Variants in ATG10 observed in about 807,000 individuals in gnomAD.
The protein encoded by ATG10 is autophagy related 10.
In ATG10, 30 loss-of-function variants were observed where a neutral mutation model predicts 32.1. The observed-to-expected ratio is 0.94, with a 90% CI of 0.70 to 1.27. The LOEUF is 1.27. ATG10 is among the 50% of genes most tolerant of loss of function. The probability of loss-of-function intolerance (pLI) is 0.00; values close to 1 mark genes in which losing one functional copy is unlikely to be tolerated. For synonymous variants in ATG10, 87 were observed against 91.5 expected (o/e 0.95, Z 0.28); for missense variants, 233 against 262.3 (o/e 0.89, Z 0.77).
At chr5:82,146,848 T>C (rs1232430082) in intron 3 of ATG10, among the ~76,000 whole-genome samples, 1 of 152,224 alleles carries the variant, frequency 6.6e-6, no homozygotes, top group Non-Finnish European at 1.5e-5. Flanking sequence ...AGCATACTTA[T>C]AATAGCTGTT....
intron 2 of ATG10, among the ~76,000 whole-genome samples, chr5:82,021,623 C>T (rs1226884632): frequency 6.6e-6 from 1 of 152,168 alleles, no homozygotes; most frequent in African/African-American, 2.4e-5. Flanking sequence ...TGGCTCAAAC[C>T]TGTAATCCCA....
At chr5:82,087,329 C>G (rs1263776487) in intron 3 of ATG10, among the ~76,000 whole-genome samples, 2 of 151,842 alleles carry the variant, frequency 1.3e-5, no homozygotes, top group Non-Finnish European at 2.9e-5. Flanking sequence ...TAGAAGTACT[C>G]AATATATTGA....
intron 5 of ATG10, among the ~76,000 whole-genome samples, chr5:82,191,483 A>G (rs1744659184): frequency 6.6e-6 from 1 of 152,180 alleles, no homozygotes; most frequent in South Asian, 2.1e-4. Context: ...CTTCACACAT[A>G]TTCTTTCACT....
chr5:82,215,907 C>A (rs1268407137), intron 5 of ATG10, among the ~76,000 whole-genome samples: 1 of 151,254 alleles, frequency 6.6e-6, no homozygotes, highest in Admixed American at 6.6e-5. Context: ...TGCACTCCAG[C>A]CTGGGCAACA....
At chr5:82,006,497 G>C (rs1437170354) in intron 2 of ATG10, among the ~76,000 whole-genome samples, 1 of 151,976 alleles carries the variant, frequency 6.6e-6, no homozygotes, top group Non-Finnish European at 1.5e-5. Flanking sequence ...AATTAACTTA[G>C]CTTTCTTTAT....
intron 3 of ATG10, among the ~76,000 whole-genome samples, chr5:82,085,932 A>G (rs998481740): frequency 2.6e-5 from 4 of 152,178 alleles, no homozygotes; most frequent in African/African-American, 9.6e-5. Flanking sequence ...TGGGTTTATT[A>G]CAGTATACAT....
chr5:81,980,309 T>C (rs1205613337), intron 1 of ATG10, among the ~76,000 whole-genome samples: 2 of 152,220 alleles, frequency 1.3e-5, no homozygotes, highest in Non-Finnish European at 2.9e-5. Flanking sequence ...GCTTTCCCTC[T>C]TCCTGTTTAT....
chr5:82,167,389 G>A (rs975277777), intron 4 of ATG10, among the ~76,000 whole-genome samples: 3 of 152,136 alleles, frequency 2.0e-5, no homozygotes, highest in Non-Finnish European at 4.4e-5. Flanking sequence ...ATATATGTAT[G>A]TATATATATG....
In ATG10 at chr5:82,200,181, AT is replaced by A. The variant is rs775642261; in HGVS notation, c.453+21603del. On this transcript the variant is annotated intron_variant, in intron 5 of 7. Transcript: ENST00000282185. ...AGTAAGATTTCTGGTCTATATGATAATTTTTTTTTAATGCCAGACTATTTTG... is the reference window on the plus strand; with the variant it reads ...AGTAAGATTTCTGGTCTATATGATAATTTTTTTTAATGCCAGACTATTTTG... Among the ~76,000 whole-genome samples, 54 of 150,452 alleles carry A rather than the reference AT, an allele frequency of 3.6e-4. 1 individual carries two copies. Among genetic ancestry groups the A allele is most frequent in the Non-Finnish European group, 7.0e-4 (47 of 67,430 alleles).
At chr5:82,014,143 G>T (rs1327436099) in intron 2 of ATG10, among the ~76,000 whole-genome samples, 4 of 152,214 alleles carry the variant, frequency 2.6e-5, no homozygotes, top group Admixed American at 6.5e-5. Flanking sequence ...GCAGTTTTGA[G>T]TGAGTTTCTT....
chr5:82,052,285 C>A (rs1763455902), intron 2 of ATG10, among the ~76,000 whole-genome samples: 2 of 152,112 alleles, frequency 1.3e-5, no homozygotes, highest in African/African-American at 4.8e-5. Flanking sequence ...AGCTGGATTC[C>A]AGCAGGCATA....
At chr5:82,088,696 C>A (rs1284394211) in intron 3 of ATG10, among the ~76,000 whole-genome samples, 1 of 152,104 alleles carries the variant, frequency 6.6e-6, no homozygotes, top group African/African-American at 2.4e-5. Flanking sequence ...TATAATGAGA[C>A]CTAACACAAT....
rs183921379 is a variant in ATG10 at position 82,053,693 on chromosome 5, C to T, written c.109-4802C>T. 1.2e-4 allele frequency among the ~76,000 whole-genome samples: 18 copies of T among 152,220 alleles called. No individual in the cohort carries two copies. The East Asian group carries it at 2.7e-3, about 23-fold the overall frequency. On this transcript the variant is annotated intron_variant, in intron 2 of 7. Coordinates refer to ENST00000282185, the MANE Select transcript of ATG10 (RefSeq NM_031482.5). ...ATAATGAAAGTTGTTTGGGTTATAACAGCTGGACATTTCTTATTAATTATT... is the reference window on the plus strand; with the variant it reads ...ATAATGAAAGTTGTTTGGGTTATAATAGCTGGACATTTCTTATTAATTATT...
chr5:82,213,046 C>A (rs1416438381), intron 5 of ATG10, among the ~76,000 whole-genome samples: 1 of 152,164 alleles, frequency 6.6e-6, no homozygotes, highest in Admixed American at 6.5e-5. Flanking sequence ...CTCTCCAAAT[C>A]GTTACCAAGC....
intron 3 of ATG10, among the ~76,000 whole-genome samples, chr5:82,130,879 T>C (rs1766491536): frequency 6.6e-6 from 1 of 152,132 alleles, no homozygotes; most frequent in South Asian, 2.1e-4. Context: ...GGAAAAGTTG[T>C]AAAAGTAGAA....
At chr5:82,119,079 A>G (rs1765938120) in intron 3 of ATG10, among the ~76,000 whole-genome samples, 1 of 152,218 alleles carries the variant, frequency 6.6e-6, no homozygotes, top group African/African-American at 2.4e-5. Flanking sequence ...AAATTACTTT[A>G]ACCTATGGAG....
At chr5:82,012,919 T>C (rs1243846044) in intron 2 of ATG10, among the ~76,000 whole-genome samples, 1 of 151,962 alleles carries the variant, frequency 6.6e-6, no homozygotes, top group Non-Finnish European at 1.5e-5. Context: ...TGGCTTCCCA[T>C]AGTGTTAGGA....
intron 5 of ATG10, among the ~76,000 whole-genome samples, chr5:82,182,642 C>A (rs1744279469): frequency 6.6e-6 from 1 of 152,032 alleles, no homozygotes; most frequent in South Asian, 2.1e-4. Context: ...TGTTTGATTC[C>A]ATTTCTATAA....
At chr5:82,155,115 T>C (rs187773721) in intron 3 of ATG10, among the ~76,000 whole-genome samples, 258 of 152,364 alleles carry the variant, frequency 1.7e-3, no homozygotes, top group Non-Finnish European at 2.8e-3. Flanking sequence ...TGAAGGAACT[T>C]GCAGTTTATT....
Sources: gnomAD v4.1 joint callset for allele counts (sites outside exome capture counted in the v4.1 genomes callset) on GRCh38, gnomAD v4.1.1 for gene constraint, MANE v1.5 for transcripts, NCBI Gene and HGNC (gene_info 2026-07-23, HGNC 2026-07-21) for gene names.